The following FSTL5 variants were observed in gnomAD, a reference collection of about 807,000 sequenced individuals.
FSTL5 encodes the protein follistatin like 5.
In FSTL5, 62 loss-of-function variants were observed where a neutral mutation model predicts 89.1. The ratio of observed to expected loss-of-function variants is 0.70; its 90% confidence interval spans 0.57 to 0.86. The LOEUF (loss-of-function observed/expected upper bound fraction) is 0.86, where lower values mean the gene tolerates loss of function less well. Ranked by LOEUF, FSTL5 falls within the 40% of genes least tolerant of loss-of-function variation. The probability of loss-of-function intolerance (pLI) is 0.00; values close to 1 mark genes in which losing one functional copy is unlikely to be tolerated. For missense variants in FSTL5, 1,057 were observed against 1,001.6 expected (o/e 1.06, Z -0.75); for synonymous variants, 383 against 346.2 (o/e 1.11, Z -1.18).
chr4:161,404,962 G>T (rs1731315325), intron 15 of FSTL5, among the ~76,000 whole-genome samples: 1 of 152,168 alleles, frequency 6.6e-6, no homozygotes, highest in Admixed American at 6.5e-5. Context: ...TGGGGGCGGT[G>T]GCTCATGCCT....
At chr4:161,717,974 G>A (rs1374563053) in intron 6 of FSTL5, among the ~76,000 whole-genome samples, 1 of 152,116 alleles carries the variant, frequency 6.6e-6, no homozygotes, top group Non-Finnish European at 1.5e-5. Context: ...GTCACTTATT[G>A]TATGTTATGG....
At chr4:162,013,263 C>A (rs1050018599) in intron 3 of FSTL5, among the ~76,000 whole-genome samples, 2 of 152,048 alleles carry the variant, frequency 1.3e-5, no homozygotes, top group Non-Finnish European at 2.9e-5. Flanking sequence ...CTTCAATATT[C>A]AGTCCATTCA....
intron 3 of FSTL5, among the ~76,000 whole-genome samples, chr4:161,920,856 C>T (rs139216478): frequency 6.6e-6 from 1 of 152,150 alleles, no homozygotes; most frequent in African/African-American, 2.4e-5. Context: ...TCCCTTCTTC[C>T]TCTCCTCTAC....
chr4:162,002,323 C>T (rs11728763), intron 3 of FSTL5, among the ~76,000 whole-genome samples: 4,913 of 152,246 alleles, frequency 0.032, 120 homozygotes, highest in Middle Eastern at 0.092. Flanking sequence ...TTATGATTCA[C>T]TTCCATGTAT....
chr4:161,616,819 A>G (rs1734890050), intron 7 of FSTL5, among the ~76,000 whole-genome samples: 1 of 151,322 alleles, frequency 6.6e-6, no homozygotes, highest in Non-Finnish European at 1.5e-5. Context: ...TTACCTATGT[A>G]ACAAACCTGC....
chr4:161,860,361 A>G (rs1731871921), intron 4 of FSTL5, among the ~76,000 whole-genome samples: 1 of 152,234 alleles, frequency 6.6e-6, no homozygotes, highest in Admixed American at 6.5e-5. Context: ...AAGATGGGTC[A>G]GAGATTAAGT....
intron 5 of FSTL5, among the ~76,000 whole-genome samples, chr4:161,775,074 AT>A: frequency 6.6e-6 from 1 of 152,188 alleles, no homozygotes; most frequent in Non-Finnish European, 1.5e-5. Flanking sequence ...TACTTGTTTA[AT>A]AAGACCAATA....
chr4:161,654,889 T>C (rs1022075776), intron 7 of FSTL5, among the ~76,000 whole-genome samples: 2 of 152,262 alleles, frequency 1.3e-5, no homozygotes, highest in African/African-American at 4.8e-5. Context: ...CACTTTTTGA[T>C]GCTCACTCTA....
intron 3 of FSTL5, among the ~76,000 whole-genome samples, chr4:162,016,470 G>C (rs1472321477): frequency 6.6e-6 from 1 of 152,170 alleles, no homozygotes; most frequent in Non-Finnish European, 1.5e-5. Context: ...ATTACAACCA[G>C]GCTCTGACAT....
At chr4:161,512,695 A>G (rs1730688540) in intron 10 of FSTL5, among the ~76,000 whole-genome samples, 1 of 152,160 alleles carries the variant, frequency 6.6e-6, no homozygotes, top group African/African-American at 2.4e-5. Flanking sequence ...ACCAAAAATT[A>G]CAGACTTTGT....
At position 162,094,038 on chromosome 4, in the gene FSTL5, G is replaced by T. The variant is rs57159154; in HGVS notation, c.126+17233C>A. On this transcript the variant is annotated intron_variant, in intron 2 of 15. Transcript: ENST00000306100. ...TAAAATAATTATTAAGAACCATTTT[G>T]ATATATTTTATAAAAACAAATATGC... is the stretch of plus-strand genomic sequence containing the variant. Among the ~76,000 whole-genome samples the T allele has an allele frequency of 8.9e-3, 1,354 of 152,132 alleles. 22 individuals are homozygous for T. The highest frequency in any genetic ancestry group is 0.03 in the African/African-American group (1,241 of 41,506).
intron 7 of FSTL5, among the ~76,000 whole-genome samples, chr4:161,626,526 C>T (rs551558627): frequency 6.8e-4 from 104 of 152,218 alleles, no homozygotes; most frequent in African/African-American, 2.0e-3. Context: ...TCATTGACAA[C>T]GCACCTAGTC....
chr4:161,693,622 A>G (rs1250916822), intron 6 of FSTL5, among the ~76,000 whole-genome samples: 2 of 110,028 alleles, frequency 1.8e-5, no homozygotes, highest in African/African-American at 6.5e-5. Flanking sequence ...TGTTGATAGT[A>G]TTTTCTTGTA....
intron 4 of FSTL5, among the ~76,000 whole-genome samples, chr4:161,897,134 A>T (rs1458524787): frequency 6.6e-6 from 1 of 151,746 alleles, no homozygotes; most frequent in Non-Finnish European, 1.5e-5. Context: ...ATCTTTAAAA[A>T]GAAGAAGCCT....
intron 8 of FSTL5, among the ~76,000 whole-genome samples, chr4:161,558,026 G>A (rs752275367): frequency 6.6e-6 from 1 of 151,740 alleles, no homozygotes; most frequent in African/African-American, 2.4e-5. Flanking sequence ...ACTCTTTTAC[G>A]TACATACCAT....
intron 10 of FSTL5, among the ~76,000 whole-genome samples, chr4:161,537,679 CA>C (rs1264116462): frequency 6.6e-6 from 1 of 152,124 alleles, no homozygotes; most frequent in Non-Finnish European, 1.5e-5. Context: ...GTTTTTGTGT[CA>C]GGGGCAGTGA....
At chr4:161,486,416 G>A (rs557978381) in intron 12 of FSTL5, among the ~76,000 whole-genome samples, 2 of 152,046 alleles carry the variant, frequency 1.3e-5, no homozygotes, top group South Asian at 4.2e-4. Context: ...GGGGAGAGAG[G>A]GTTTGGTGTC....
intron 4 of FSTL5, among the ~76,000 whole-genome samples, chr4:161,827,591 G>T (rs909835186): frequency 2.0e-5 from 3 of 152,198 alleles, no homozygotes; most frequent in Non-Finnish European, 4.4e-5. Flanking sequence ...GGTTAGGCGT[G>T]TCTGAGCTCA....
At chr4:161,476,280 C>T (rs1175912009) in intron 13 of FSTL5, among the ~76,000 whole-genome samples, 4 of 149,534 alleles carry the variant, frequency 2.7e-5, no homozygotes, top group Non-Finnish European at 4.4e-5. Context: ...CTCTGCCTCC[C>T]GAGTTCAAGC....
Sources: allele counts gnomAD v4.1 joint callset (sites outside exome capture counted in the v4.1 genomes callset), GRCh38; gene constraint gnomAD v4.1.1; transcripts MANE v1.5; gene names NCBI Gene and HGNC (gene_info 2026-07-23, HGNC 2026-07-21).